Variants in LRP1B observed in about 807,000 individuals in gnomAD.
The protein encoded by LRP1B is low-density lipoprotein receptor-related protein 1B.
LRP1B carries 217 observed loss-of-function variants against 556.6 expected under a neutral mutation model. That is an observed-to-expected ratio of 0.39 (90% CI 0.35 to 0.44). The LOEUF (loss-of-function observed/expected upper bound fraction) is 0.44. Among genes scored for constraint, LRP1B ranks in the 20% least tolerant of loss-of-function variants. The pLI, the probability that LRP1B is intolerant of heterozygous loss-of-function variation, is 1.00. For missense variants in LRP1B, 5,053 were observed against 5,620.8 expected, an observed-to-expected ratio of 0.90 and a Z score of 3.23; for synonymous variants, 2,047 against 1,865.8, an observed-to-expected ratio of 1.10 and a Z score of -2.50.
At chr2:140,965,111 C>T (rs1022558388) in intron 18 of LRP1B, among the ~76,000 whole-genome samples, 2 of 152,148 alleles carry the variant, frequency 1.3e-5, no homozygotes, top group Non-Finnish European at 2.9e-5. Flanking sequence ...ATGCCTGAGC[C>T]TCCATTATAA....
At chr2:140,844,417 T>C (rs1692213728) in intron 29 of LRP1B, among the ~76,000 whole-genome samples, 1 of 152,108 alleles carries the variant, frequency 6.6e-6, no homozygotes, top group Admixed American at 6.5e-5. Context: ...GATTGAACTT[T>C]CTAATTATCA....
chr2:140,307,946 C>T (rs1370923233), intron 83 of LRP1B, among the ~76,000 whole-genome samples: 1 of 151,708 alleles, frequency 6.6e-6, no homozygotes, highest in African/African-American at 2.4e-5. Context: ...ATTTATAGAG[C>T]ATTCACAATA....
rs192937425 is a variant in LRP1B at position 141,927,141 on chromosome 2, T to A, written c.83-116740A>T. The stretch of plus-strand genomic sequence containing the variant: ...ACATAATCAATGAATATCTGTTGAT[T>A]GCTTCTTAAAAGATGTTAGATTACA... On this transcript the variant is annotated intron_variant, in intron 1 of 90. Transcript: ENST00000389484. Among the ~76,000 whole-genome samples the A allele has an allele frequency of 2.9e-3, 438 of 152,246 alleles. 3 individuals are homozygous for A. The highest frequency in any genetic ancestry group is 0.01 in the African/African-American group (421 of 41,556).
At chr2:140,463,964 G>A (rs574143749) in intron 60 of LRP1B, among the ~76,000 whole-genome samples, 1 of 152,222 alleles carries the variant, frequency 6.6e-6, no homozygotes, top group Non-Finnish European at 1.5e-5. Flanking sequence ...GGGAGGCTGA[G>A]GTGGGCAGAT....
chr2:141,145,922 C>CTTTCTTTTTTTT (rs1305781791), intron 7 of LRP1B, among the ~76,000 whole-genome samples: 1 of 67,206 alleles, frequency 1.5e-5, no homozygotes, highest in African/African-American at 6.3e-5. Context: ...TTCTTTCTTT[C>CTTTCTTTTTTTT]TTTTTTTTTT....
chr2:140,915,607 G>A (rs926068293), intron 21 of LRP1B, among the ~76,000 whole-genome samples: 12 of 151,266 alleles, frequency 7.9e-5, no homozygotes, highest in African/African-American at 1.5e-4. Flanking sequence ...AGCTGAGGTC[G>A]CACCACTGCA....
chr2:141,902,249 T>C (rs1699639408), intron 1 of LRP1B, among the ~76,000 whole-genome samples: 1 of 151,790 alleles, frequency 6.6e-6, no homozygotes, highest in Non-Finnish European at 1.5e-5. Context: ...AATTTGTCAA[T>C]AACTTCATAT....
At chr2:142,104,548 A>G (rs1408455565) in intron 1 of LRP1B, among the ~76,000 whole-genome samples, 6 of 152,132 alleles carry the variant, frequency 3.9e-5, no homozygotes, top group Admixed American at 6.6e-5. Context: ...GAGTGTTTAT[A>G]TAAGATGGAG....
chr2:141,252,994 G>A (rs186984722), intron 4 of LRP1B, among the ~76,000 whole-genome samples: 7 of 152,292 alleles, frequency 4.6e-5, no homozygotes, highest in African/African-American at 1.7e-4. Context: ...ACACATAAAA[G>A]CAATTAATTA....
intron 1 of LRP1B, among the ~76,000 whole-genome samples, chr2:141,946,461 T>C (rs1294690603): frequency 6.6e-6 from 1 of 152,172 alleles, no homozygotes; most frequent in African/African-American, 2.4e-5. Context: ...AGGTGAAGGA[T>C]GGCAAATAGA....
intron 81 of LRP1B, 106 bp downstream of exon 81, chr2:140,323,786 TG>T (rs1680297364): frequency 3.9e-6 from 2 of 506,344 alleles, no homozygotes; most frequent in East Asian, 6.7e-5. Context: ...CTTAAGTTAC[TG>T]AGGTTAAGAC....
chr2:140,800,456 G>GGCTA (rs1402527329), intron 32 of LRP1B, among the ~76,000 whole-genome samples: 3 of 152,112 alleles, frequency 2.0e-5, no homozygotes, highest in Non-Finnish European at 4.4e-5. Flanking sequence ...AGTTAATTTA[G>GGCTA]GCTAGCTGAG....
At chr2:140,637,090 G>C (rs931324436) in intron 41 of LRP1B, among the ~76,000 whole-genome samples, 2 of 152,156 alleles carry the variant, frequency 1.3e-5, no homozygotes, top group East Asian at 1.9e-4. Context: ...CAACTACAAA[G>C]TTGCAGAATT....
chr2:141,003,483 A>G (rs1697483656), intron 15 of LRP1B, among the ~76,000 whole-genome samples: 1 of 152,182 alleles, frequency 6.6e-6, no homozygotes, highest in African/African-American at 2.4e-5. Flanking sequence ...ATCCAGTGGG[A>G]GGTAACTGAA....
chr2:142,085,589 T>A (rs1006998602), intron 1 of LRP1B, among the ~76,000 whole-genome samples: 8 of 152,170 alleles, frequency 5.3e-5, no homozygotes, highest in African/African-American at 1.9e-4. Flanking sequence ...CATATTTCCA[T>A]TATTATATCT....
intron 25 of LRP1B, among the ~76,000 whole-genome samples, chr2:140,872,124 T>A (rs1456731957): frequency 6.6e-6 from 1 of 150,390 alleles, no homozygotes; most frequent in Non-Finnish European, 1.5e-5. Flanking sequence ...TATTCTCAGT[T>A]TACTGAATTC....
intron 2 of LRP1B, among the ~76,000 whole-genome samples, chr2:141,541,486 A>G (rs1685258782): frequency 6.6e-6 from 1 of 152,050 alleles, no homozygotes; most frequent in Admixed American, 6.6e-5. Flanking sequence ...CAGCGTGTTC[A>G]TGAAGTGTTT....
At chr2:141,106,923 TATC>T (rs1278749586) in intron 7 of LRP1B, among the ~76,000 whole-genome samples, 1 of 152,182 alleles carries the variant, frequency 6.6e-6, no homozygotes, top group Non-Finnish European at 1.5e-5. Context: ...AAAATAATTT[TATC>T]ATTTTCAAGA....
At chr2:141,264,241 C>G (rs1445338025) in intron 3 of LRP1B, among the ~76,000 whole-genome samples, 1 of 152,074 alleles carries the variant, frequency 6.6e-6, no homozygotes, top group Non-Finnish European at 1.5e-5. Context: ...AACTAGTAAG[C>G]AATTATATTG....
Sources: gnomAD v4.1 joint callset for allele counts (sites outside exome capture counted in the v4.1 genomes callset) on GRCh38, gnomAD v4.1.1 for gene constraint, MANE v1.5 for transcripts, NCBI Gene and HGNC (gene_info 2026-07-23, HGNC 2026-07-21) for gene names.